The following SCMH1 variants were observed in gnomAD, a reference collection of about 807,000 sequenced individuals.
The protein encoded by SCMH1 is polycomb protein SCMH1.
In SCMH1, 37 loss-of-function variants were observed where a neutral mutation model predicts 70.8. The observed-to-expected ratio is 0.52, with a 90% CI of 0.40 to 0.69. The LOEUF (loss-of-function observed/expected upper bound fraction) is 0.69, where lower values mean the gene tolerates loss of function less well. Ranked by LOEUF, SCMH1 falls within the 30% of genes least tolerant of loss-of-function variation. The pLI is 0.00. For synonymous variants in SCMH1, 292 were observed against 307.4 expected (o/e 0.95, Z 0.52); for missense variants, 607 against 827.3 (o/e 0.73, Z 3.27).
At chr1:41,168,632 C>CTTTTTTTT in intron 2 of SCMH1, among the ~76,000 whole-genome samples, 1 of 104,716 alleles carries the variant, frequency 9.5e-6, no homozygotes, top group Non-Finnish European at 1.9e-5. Flanking sequence ...GGAGATTTGT[C>CTTTTTTTT]TTTTTTTTTT....
intron 10 of SCMH1, among the ~76,000 whole-genome samples, chr1:41,053,687 A>T (rs1208791821): frequency 6.6e-6 from 1 of 152,228 alleles, no homozygotes; most frequent in East Asian, 1.9e-4. Flanking sequence ...TTCTGATACC[A>T]GAAATAGGGT....
intron 1 of SCMH1, among the ~76,000 whole-genome samples, chr1:41,228,471 A>C (rs944278100): frequency 6.6e-6 from 1 of 152,190 alleles, no homozygotes; most frequent in African/African-American, 2.4e-5. Context: ...CTACATTAAG[A>C]CCAGCAGGAA....
intron 10 of SCMH1, 92 bp from the exon 11 acceptor site, chr1:41,048,982 C>T (rs1333564109): frequency 1.7e-6 from 2 of 1,167,426 alleles, no homozygotes; most frequent in East Asian, 2.4e-5. Flanking sequence ...ATACCTTGGC[C>T]TCTGGTTCCT....
At chr1:41,046,944 A>G (rs1646951538) in intron 11 of SCMH1, among the ~76,000 whole-genome samples, 1 of 152,178 alleles carries the variant, frequency 6.6e-6, no homozygotes, top group Admixed American at 6.5e-5. Flanking sequence ...TTAGGGTGCT[A>G]TTTTCACAAG....
chr1:41,141,449 A>G (rs1485461492), intron 6 of SCMH1, among the ~76,000 whole-genome samples: 3 of 152,236 alleles, frequency 2.0e-5, no homozygotes, highest in African/African-American at 7.2e-5. Flanking sequence ...AATGGCTGCT[A>G]CATTATATTA....
At chr1:41,083,308 A>C (rs1427444498) in intron 8 of SCMH1, among the ~76,000 whole-genome samples, 5 of 152,232 alleles carry the variant, frequency 3.3e-5, no homozygotes, top group African/African-American at 4.8e-5. Context: ...TACAAAAATC[A>C]CAAACATTCT....
intron 1 of SCMH1, among the ~76,000 whole-genome samples, chr1:41,206,542 T>C (rs967743058): frequency 1.3e-5 from 2 of 152,108 alleles, no homozygotes; most frequent in Non-Finnish European, 2.9e-5. Context: ...AATATGGGAC[T>C]ATGTGAAAAG....
At chr1:41,165,962 T>C (rs1263060152) in intron 2 of SCMH1, among the ~76,000 whole-genome samples, 2 of 152,114 alleles carry the variant, frequency 1.3e-5, no homozygotes, top group Non-Finnish European at 2.9e-5. Flanking sequence ...TCCAGACCTC[T>C]AGCAGTTTTA....
At chr1:41,175,536 T>C (rs756903281) in intron 2 of SCMH1, among the ~76,000 whole-genome samples, 2 of 152,202 alleles carry the variant, frequency 1.3e-5, no homozygotes, top group African/African-American at 2.4e-5. Context: ...ACAGCTCCCA[T>C]TGTTTCTGTT....
intron 1 of SCMH1, among the ~76,000 whole-genome samples, chr1:41,217,557 G>A (rs2148829072): frequency 6.6e-6 from 1 of 152,344 alleles, no homozygotes; most frequent in Admixed American, 6.5e-5. Context: ...GCCAGGAATA[G>A]AGATACAGTT....
chr1:41,066,554 C>T (rs1032192927), intron 10 of SCMH1, among the ~76,000 whole-genome samples: 1 of 152,036 alleles, frequency 6.6e-6, no homozygotes, highest in Non-Finnish European at 1.5e-5. Context: ...ATATGAAATG[C>T]TTTTAGTCAG....
chr1:41,044,835 T>C (rs1032878378), intron 12 of SCMH1, among the ~76,000 whole-genome samples: 6 of 152,072 alleles, frequency 3.9e-5, no homozygotes, highest in African/African-American at 1.5e-4. Context: ...CATGCCCCGG[T>C]CCCAAACCAC....
At chr1:41,223,968 G>A (rs188868947) in intron 1 of SCMH1, among the ~76,000 whole-genome samples, 1 of 152,172 alleles carries the variant, frequency 6.6e-6, no homozygotes, top group East Asian at 1.9e-4. Flanking sequence ...ATCATCCTCG[G>A]ATGATCCAGC....
chr1:41,216,524 G>A (rs988534524), intron 1 of SCMH1, among the ~76,000 whole-genome samples: 1 of 152,182 alleles, frequency 6.6e-6, no homozygotes, highest in Non-Finnish European at 1.5e-5. Flanking sequence ...CATTCTGGCA[G>A]AAGAAGTCTG....
chr1:41,160,792 C>T lies in SCMH1; in HGVS notation c.106+83G>A. ...GACAGAGACACGTGGAATTCTTTTCCTCGTTGGTTAAAACTGGTTATAATC... is the reference window on the plus strand; with the variant it reads ...GACAGAGACACGTGGAATTCTTTTCTTCGTTGGTTAAAACTGGTTATAATC... On this transcript the variant is annotated intron_variant, in intron 4 of 14. Transcript: ENST00000337495. 5 of 1,309,588 alleles carry T rather than the reference C, an allele frequency of 3.8e-6. No individual in the cohort carries two copies. In the South Asian group the frequency reaches 5.1e-5, roughly 13 times the overall value. 81.1% of individuals were successfully genotyped at this position (1,309,588 alleles called of 1,614,324 possible).
At chr1:41,077,874 G>C (rs10889829) in intron 8 of SCMH1, among the ~76,000 whole-genome samples, 9,020 of 152,094 alleles carry the variant, frequency 0.059, 358 homozygotes, top group South Asian at 0.12. Context: ...AAAATTATTA[G>C]ACATAACAGA....
chr1:41,087,952 G>GTGTGTGTGTGTGTGTGTGTA (rs1662231544), intron 8 of SCMH1, among the ~76,000 whole-genome samples: 1 of 151,574 alleles, frequency 6.6e-6, no homozygotes, highest in East Asian at 1.9e-4. Flanking sequence ...GTGTGTGTGT[G>GTGTGTGTGTGTGTGTGTGTA]TGTGTGTGTG....
chr1:41,072,930 C>T (rs1398645453), intron 9 of SCMH1, among the ~76,000 whole-genome samples: 2 of 152,040 alleles, frequency 1.3e-5, no homozygotes, highest in Non-Finnish European at 2.9e-5. Context: ...GGCATATACA[C>T]TTGTAGGGGT....
intron 8 of SCMH1, among the ~76,000 whole-genome samples, chr1:41,110,291 T>C: frequency 6.6e-6 from 1 of 152,240 alleles, no homozygotes; most frequent in East Asian, 1.9e-4. Flanking sequence ...CCAGCTCAAG[T>C]AATTTTTTTT....
Sources: gnomAD v4.1 joint callset for allele counts (sites outside exome capture counted in the v4.1 genomes callset) on GRCh38, gnomAD v4.1.1 for gene constraint, MANE v1.5 for transcripts, NCBI Gene and HGNC (gene_info 2026-07-23, HGNC 2026-07-21) for gene names.